Variants in RNGTT observed in about 807,000 individuals in gnomAD.
RNGTT encodes RNA guanylyltransferase and 5'-phosphatase.
A neutral mutation model predicts 79.3 loss-of-function variants in RNGTT; 33 were observed. The observed-to-expected ratio is 0.42, with a 90% confidence interval of 0.32 to 0.56. RNGTT has a LOEUF of 0.56. Among genes scored for constraint, RNGTT ranks in the 20% least tolerant of loss-of-function variants. RNGTT has a pLI of 0.17. For missense variants in RNGTT, 497 were observed against 739.1 expected, an observed-to-expected ratio of 0.67 and a Z score of 3.80; for synonymous variants, 222 against 235.9, an observed-to-expected ratio of 0.94 and a Z score of 0.54.
At chr6:88,671,272 T>G (rs1254273185) in intron 14 of RNGTT, among the ~76,000 whole-genome samples, 1 of 152,156 alleles carries the variant, frequency 6.6e-6, no homozygotes, top group African/African-American at 2.4e-5. Context: ...GATACAAAAC[T>G]AATGTACACA....
intron 13 of RNGTT, among the ~76,000 whole-genome samples, chr6:88,747,705 T>G (rs114569062): frequency 6.6e-6 from 1 of 152,130 alleles, no homozygotes; most frequent in African/African-American, 2.4e-5. Context: ...CTGGAACTGA[T>G]GGAGACAAAC....
At chr6:88,776,327 T>TG (rs1404021875) in intron 12 of RNGTT, among the ~76,000 whole-genome samples, 1 of 151,760 alleles carries the variant, frequency 6.6e-6, no homozygotes, top group Non-Finnish European at 1.5e-5. Context: ...TGACCTTTTT[T>TG]TTTTTTTTTG....
intron 8 of RNGTT, among the ~76,000 whole-genome samples, chr6:88,873,256 C>T (rs1442917432): frequency 6.6e-6 from 1 of 152,108 alleles, no homozygotes; most frequent in Non-Finnish European, 1.5e-5. Flanking sequence ...AGGATCACCA[C>T]ACATTTGAAG....
intron 13 of RNGTT, among the ~76,000 whole-genome samples, chr6:88,698,248 A>AATAT (rs531664825): frequency 1.2e-5 from 1 of 84,460 alleles, no homozygotes; most frequent in Non-Finnish European, 1.9e-5. Context: ...ATATATATGA[A>AATAT]ATATATATAT....
chr6:88,890,614 T>A lies in RNGTT; in HGVS notation c.795-18A>T. The A allele has an allele frequency of 6.4e-7, 1 of 1,559,838 alleles. No homozygotes were observed. Among genetic ancestry groups the A allele is most frequent in the African/African-American group, 1.4e-5 (1 of 73,646 alleles). On this transcript the variant is annotated intron_variant, in intron 7 of 15. Transcript: ENST00000369485. ...ATCCAGACCTTAAAGAAGAACACAG[T>A]ATTACTATCGTGGCTGGTATCCATA...
In RNGTT at chr6:88,901,659, A is replaced by T. The variant is rs536104087; in HGVS notation, c.684+3056T>A. Among the ~76,000 whole-genome samples the T allele has an allele frequency of 1.3e-4, 19 of 151,926 alleles. No homozygotes were observed. In the South Asian group the frequency reaches 3.8e-3, roughly 30 times the overall value. ...GTAGCCGGGATTACAGGCGCCTGCC[A>T]CTAGGCCGAGCTAATTTTTTTGTAT... On this transcript the variant is annotated intron_variant, in intron 6 of 15. Coordinates refer to ENST00000369485, the MANE Select transcript of RNGTT (RefSeq NM_003800.5).
intron 14 of RNGTT, among the ~76,000 whole-genome samples, chr6:88,618,760 T>C (rs546964637): frequency 1.3e-5 from 2 of 152,354 alleles, no homozygotes; most frequent in Non-Finnish European, 2.9e-5. Flanking sequence ...GTTAAGAAAC[T>C]ATCAGATGAA....
intron 6 of RNGTT, among the ~76,000 whole-genome samples, chr6:88,901,490 C>T (rs1483584569): frequency 7.9e-6 from 1 of 126,368 alleles, no homozygotes; most frequent in Non-Finnish European, 1.7e-5. Context: ...GTCAAGCACC[C>T]TGATCTTTTT....
At position 88,798,469 on chromosome 6, in the gene RNGTT, A is replaced by T. The variant is rs546269220; in HGVS notation, c.1338+3095T>A. On this transcript the variant is annotated intron_variant, in intron 12 of 15. Coordinates refer to ENST00000369485, the MANE Select transcript of RNGTT (RefSeq NM_003800.5). ...AACAAAGTGAGACCCTGTCTCAAAA[A>T]AAAAAAAAGAGAGAAAAATGAACTG... Among the ~76,000 whole-genome samples, 33 of 152,266 alleles carry T rather than the reference A, an allele frequency of 2.2e-4. No individual in the cohort carries two copies. The South Asian group carries it at 6.6e-3, about 31-fold the overall frequency.
intron 15 of RNGTT, among the ~76,000 whole-genome samples, 199 bp from the exon 16 acceptor site, chr6:88,613,081 C>A (rs1772092722): frequency 6.6e-6 from 1 of 152,198 alleles, no homozygotes; most frequent in Non-Finnish European, 1.5e-5. Flanking sequence ...CTCTTTACTG[C>A]AGTATTAATT....
At chr6:88,883,588 A>C (rs1386206267) in intron 8 of RNGTT, among the ~76,000 whole-genome samples, 1 of 152,176 alleles carries the variant, frequency 6.6e-6, no homozygotes, top group African/African-American at 2.4e-5. Context: ...CAAAGTAATA[A>C]TAATAACAAT....
At chr6:88,847,301 T>C (rs1338926807) in intron 10 of RNGTT, among the ~76,000 whole-genome samples, 1 of 152,050 alleles carries the variant, frequency 6.6e-6, no homozygotes. Context: ...CATCTTTGTA[T>C]ACCCAGTACA....
chr6:88,692,295 C>T (rs1041687659), intron 13 of RNGTT, among the ~76,000 whole-genome samples: 1 of 152,100 alleles, frequency 6.6e-6, no homozygotes, highest in African/African-American at 2.4e-5. Context: ...CCAGCCCCTG[C>T]CCTAAATAAA....
intron 4 of RNGTT, among the ~76,000 whole-genome samples, chr6:88,908,907 G>A (rs1783744887): frequency 6.6e-6 from 1 of 152,176 alleles, no homozygotes. Flanking sequence ...TTCCCTGCCT[G>A]AGTGTTCTGC....
At chr6:88,742,362 T>C (rs559436128) in intron 13 of RNGTT, among the ~76,000 whole-genome samples, 1 of 152,336 alleles carries the variant, frequency 6.6e-6, no homozygotes, top group South Asian at 2.1e-4. Flanking sequence ...GGCATTTCTT[T>C]TAAGAATGTT....
chr6:88,949,885 T>A (rs9444657), intron 1 of RNGTT, among the ~76,000 whole-genome samples: 5,237 of 152,298 alleles, frequency 0.034, 324 homozygotes, highest in African/African-American at 0.12. Flanking sequence ...AACAGCAGGA[T>A]TTCAGTGTAG....
At chr6:88,929,881 C>T (rs184828764) in intron 2 of RNGTT, among the ~76,000 whole-genome samples, 1 of 137,582 alleles carries the variant, frequency 7.3e-6, no homozygotes, top group Admixed American at 7.0e-5. Context: ...TATATACATA[C>T]ACACATATAT....
At chr6:88,692,667 G>C (rs1362552924) in intron 13 of RNGTT, among the ~76,000 whole-genome samples, 2 of 152,060 alleles carry the variant, frequency 1.3e-5, no homozygotes, top group Non-Finnish European at 2.9e-5. Context: ...GAAAAAGACA[G>C]AAGGAAAATT....
intron 11 of RNGTT, among the ~76,000 whole-genome samples, chr6:88,821,868 T>C (rs1780506913): frequency 6.6e-6 from 1 of 150,512 alleles, no homozygotes; most frequent in African/African-American, 2.4e-5. Flanking sequence ...TAACTGATGA[T>C]ATATTAGGCC....
Sources: gnomAD v4.1 joint callset for allele counts (sites outside exome capture counted in the v4.1 genomes callset) on GRCh38, gnomAD v4.1.1 for gene constraint, MANE v1.5 for transcripts, NCBI Gene and HGNC (gene_info 2026-07-23, HGNC 2026-07-21) for gene names.